The following RAP1GAP2 variants were observed in gnomAD, a reference collection of about 807,000 sequenced individuals.
RAP1GAP2 encodes the protein rap1 GTPase-activating protein 2.
In RAP1GAP2, 27 loss-of-function variants were observed where a neutral mutation model predicts 95.0. The ratio of observed to expected loss-of-function variants is 0.28; its 90% CI spans 0.21 to 0.39. The LOEUF is 0.39. Among genes scored for constraint, RAP1GAP2 ranks in the 10% least tolerant of loss-of-function variants. RAP1GAP2 has a pLI of 1.00. For missense variants in RAP1GAP2, 771 were observed against 970.0 expected, an observed-to-expected ratio of 0.79 and a Z score of 2.72; for synonymous variants, 373 against 380.9, an observed-to-expected ratio of 0.98 and a Z score of 0.24.
intron 3 of RAP1GAP2, among the ~76,000 whole-genome samples, chr17:2,913,837 A>AT (rs1159026648): frequency 6.6e-6 from 1 of 151,618 alleles, no homozygotes; most frequent in African/African-American, 2.4e-5. Flanking sequence ...CAGTGTTCTG[A>AT]TTTTTTTCAA....
intron 2 of RAP1GAP2, among the ~76,000 whole-genome samples, chr17:2,771,857 A>G (rs2068405573): frequency 1.3e-5 from 2 of 152,198 alleles, no homozygotes; most frequent in African/African-American, 4.8e-5. Flanking sequence ...TCTGCCATAT[A>G]GTCATTGAGA....
intron 8 of RAP1GAP2, among the ~76,000 whole-genome samples, chr17:2,976,768 A>G (rs965805200): frequency 6.6e-6 from 1 of 152,132 alleles, no homozygotes; most frequent in African/African-American, 2.4e-5. Flanking sequence ...GTCTTACTAG[A>G]TCTTACTAGT....
intron 23 of RAP1GAP2, among the ~76,000 whole-genome samples, chr17:3,031,274 T>C (rs2047282762): frequency 6.6e-6 from 1 of 152,248 alleles, no homozygotes; most frequent in African/African-American, 2.4e-5. Flanking sequence ...AGTCCCTTCC[T>C]GAGCTCTCCA....
intron 3 of RAP1GAP2, among the ~76,000 whole-genome samples, chr17:2,911,848 A>G (rs1401047934): frequency 6.6e-6 from 1 of 152,164 alleles, no homozygotes; most frequent in Non-Finnish European, 1.5e-5. Context: ...TGGGAAGGAC[A>G]CAGAGCATTT....
At chr17:2,892,227 T>C (rs2073750196) in intron 2 of RAP1GAP2, among the ~76,000 whole-genome samples, 1 of 152,168 alleles carries the variant, frequency 6.6e-6, no homozygotes, top group Non-Finnish European at 1.5e-5. Flanking sequence ...TGACAGTGTT[T>C]GGGATGGATC....
At chr17:2,782,352 T>G (rs1235496387) in intron 1 of RAP1GAP2, among the ~76,000 whole-genome samples, 1 of 152,188 alleles carries the variant, frequency 6.6e-6, no homozygotes, top group Non-Finnish European at 1.5e-5. Flanking sequence ...CAGGGATGGC[T>G]GCAGGGGGTG....
In RAP1GAP2 at chr17:2,867,942, A is replaced by G. The variant is rs888506088; in HGVS notation, c.81-37342A>G. On this transcript the variant is annotated intron_variant, in intron 2 of 24. Transcript: ENST00000254695. This position sits in a 1 kb window ranked among gnomAD's most constrained non-coding sequence, Gnocchi z 4.5. ...ACGGATGCAGCTCGCGGGATCCCCA[A>G]GCCTTTGGTAGTAAACACACTTCCT... Among the ~76,000 whole-genome samples the G allele has an allele frequency of 2.6e-5, 4 of 152,118 alleles. No individual in the cohort carries two copies. The highest frequency in any genetic ancestry group is 4.8e-5 in the African/African-American group (2 of 41,428).
chr17:2,835,982 C>T (rs1341114986), intron 2 of RAP1GAP2, among the ~76,000 whole-genome samples: 1 of 152,158 alleles, frequency 6.6e-6, no homozygotes, highest in African/African-American at 2.4e-5. Flanking sequence ...GGACTGTGCG[C>T]AGACCGCCCC....
chr17:2,759,174 C>T (rs1195778961), intron 1 of RAP1GAP2, among the ~76,000 whole-genome samples: 1 of 152,170 alleles, frequency 6.6e-6, no homozygotes, highest in Non-Finnish European at 1.5e-5. Context: ...CCTCTACTGA[C>T]AATCTTTCAA....
At chr17:2,926,171 T>G (rs1444523105) in intron 3 of RAP1GAP2, among the ~76,000 whole-genome samples, 1 of 150,324 alleles carries the variant, frequency 6.7e-6, no homozygotes, top group Non-Finnish European at 1.5e-5. Flanking sequence ...AGAGCAAGGC[T>G]GAGCCCTGGG....
intron 3 of RAP1GAP2, among the ~76,000 whole-genome samples, chr17:2,941,794 T>G (rs1218505810): frequency 6.6e-6 from 1 of 151,908 alleles, no homozygotes; most frequent in Non-Finnish European, 1.5e-5. Flanking sequence ...GTGATTCTCC[T>G]GTGTCAGCCT....
At chr17:2,787,519 G>A (rs1182376709) in intron 1 of RAP1GAP2, among the ~76,000 whole-genome samples, 3 of 152,136 alleles carry the variant, frequency 2.0e-5, no homozygotes, top group Non-Finnish European at 4.4e-5. Context: ...GCCTCCCAAA[G>A]TGCTAGGATG....
At chr17:3,017,949 A>C in intron 17 of RAP1GAP2, 112 bp from the exon 18 acceptor site, 53 of 762,998 alleles carry the variant, frequency 6.9e-5, no homozygotes, top group Admixed American at 1.1e-4. Flanking sequence ...GTGTGTGTGT[A>C]TGTGTGCACG....
At chr17:2,923,041 ATTT>A (rs35642475) in intron 3 of RAP1GAP2, among the ~76,000 whole-genome samples, 6 of 124,762 alleles carry the variant, frequency 4.8e-5, no homozygotes, top group Admixed American at 1.6e-4. Flanking sequence ...ACACCTGGCT[ATTT>A]TTTTTTTTTT....
intron 2 of RAP1GAP2, among the ~76,000 whole-genome samples, chr17:2,890,745 C>T (rs187487382): frequency 3.6e-4 from 54 of 148,940 alleles, no homozygotes; most frequent in East Asian, 7.9e-4. Flanking sequence ...AGTGCAGTGG[C>T]GCAATCTTGG....
At chr17:2,993,198 G>T (rs2045828413) in intron 12 of RAP1GAP2, among the ~76,000 whole-genome samples, 1 of 150,300 alleles carries the variant, frequency 6.7e-6, no homozygotes, top group African/African-American at 2.5e-5. Context: ...CTTCAGCCTG[G>T]TCAATAGAGG....
chr17:2,907,290 G>T (rs540269853), intron 3 of RAP1GAP2, among the ~76,000 whole-genome samples: 10 of 152,114 alleles, frequency 6.6e-5, no homozygotes, highest in Admixed American at 6.6e-4. Context: ...GGGAAATGGC[G>T]GTGGTACCAT....
chr17:2,756,134 C>T (rs2071138362), intron 1 of RAP1GAP2, among the ~76,000 whole-genome samples: 1 of 152,268 alleles, frequency 6.6e-6, no homozygotes, highest in South Asian at 2.1e-4. Flanking sequence ...CCATTTGTGC[C>T]TCCCTCCGTT....
At chr17:3,026,520 C>A in intron 21 of RAP1GAP2, 56 bp downstream of exon 21, 1 of 1,343,720 alleles carries the variant, frequency 7.4e-7, no homozygotes, top group Non-Finnish European at 1.0e-6. Flanking sequence ...GCCAGCCACC[C>A]TCCTTGCATT....
Sources: gnomAD v4.1 joint callset for allele counts (sites outside exome capture counted in the v4.1 genomes callset) on GRCh38, gnomAD v4.1.1 for gene constraint, Gnocchi (gnomAD v3.1) non-coding constraint, MANE v1.5 for transcripts, NCBI Gene and HGNC (gene_info 2026-07-23, HGNC 2026-07-21) for gene names.